The following HOXA3 variants were observed in gnomAD, a reference collection of about 807,000 sequenced individuals.
HOXA3 encodes the protein homeobox A3.
A neutral mutation model predicts 30.3 loss-of-function variants in HOXA3; 8 were observed. The observed-to-expected ratio is 0.26, with a 90% confidence interval of 0.15 to 0.48. The LOEUF is 0.48. Among genes scored for constraint, HOXA3 ranks in the 20% least tolerant of loss-of-function variants. HOXA3 has a pLI of 0.99. For synonymous variants in HOXA3, 323 were observed against 273.1 expected (o/e 1.18, Z -1.80); for missense variants, 653 against 614.4 (o/e 1.06, Z -0.66).
intron 2 of HOXA3, chr7:27,130,923 C>T (rs1459399279): frequency 1.6e-5 from 10 of 633,346 alleles, no homozygotes; most frequent in Non-Finnish European, 2.6e-5. Context: ...CGCTCCTCCC[C>T]AGCCCAGCGC....
intron 1 of HOXA3, among the ~76,000 whole-genome samples, chr7:27,144,081 G>A (rs2128061119): frequency 6.6e-6 from 1 of 152,380 alleles, no homozygotes; most frequent in African/African-American, 2.4e-5. Flanking sequence ...CGCGCGCCCG[G>A]CGAGGATGCA....
chr7:27,126,030 G>C (rs1297357279), intron 3 of HOXA3, among the ~76,000 whole-genome samples: 1 of 152,162 alleles, frequency 6.6e-6, no homozygotes, highest in East Asian at 1.9e-4. Context: ...ATCTATCTAG[G>C]TAATCTTCCC....
intron 3 of HOXA3, among the ~76,000 whole-genome samples, chr7:27,124,767 G>A (rs1785205513): frequency 6.6e-6 from 1 of 152,172 alleles, no homozygotes; most frequent in African/African-American, 2.4e-5. Flanking sequence ...ACCTTTATCA[G>A]CTGCAACCAG....
intron 2 of HOXA3, chr7:27,130,554 G>T (rs1190349383): frequency 1.4e-6 from 2 of 1,423,312 alleles, no homozygotes; most frequent in East Asian, 6.1e-5. Context: ...CCGCGTGAGG[G>T]AGCTGGGGCT....
At chr7:27,121,220 C>CGTGCGT (rs1554337534) in intron 4 of HOXA3, 3 of 137,846 alleles carry the variant, frequency 2.2e-5, no homozygotes, top group Non-Finnish European at 4.7e-5. Context: ...CCACTGTGTG[C>CGTGCGT]GTGTGTGTGT....
intron 1 of HOXA3, among the ~76,000 whole-genome samples, chr7:27,143,965 C>T (rs1782666622): frequency 6.6e-6 from 1 of 152,210 alleles, no homozygotes; most frequent in South Asian, 2.1e-4. Context: ...CCGGGGGCTG[C>T]AAGGGCCGGG....
intron 5 of HOXA3, among the ~76,000 whole-genome samples, chr7:27,109,640 A>G (rs546206494): frequency 4.6e-4 from 70 of 152,366 alleles, no homozygotes; most frequent in African/African-American, 1.7e-3. Flanking sequence ...GAGGTAAGGC[A>G]GCCACTCCAT....
At chr7:27,142,186 TCAA>T in intron 1 of HOXA3, 1 of 1,337,514 alleles carries the variant, frequency 7.5e-7, no homozygotes, top group Middle Eastern at 1.9e-4. Context: ...GGCGAAAAGC[TCAA>T]CAAGTTCTGC....
chr7:27,127,150 A>G (rs555327188), intron 2 of HOXA3, 80 bp from the exon 3 acceptor site: 7 of 152,138 alleles, frequency 4.6e-5, no homozygotes, highest in African/African-American at 1.7e-4. Flanking sequence ...GCGTGATTTA[A>G]TTTTGTTTTA....
Position 27,107,870 on chromosome 7 carries a change from G to T in HOXA3, c.*45C>A. 4.9e-6 allele frequency: 6 copies of T among 1,212,900 alleles called. No homozygotes were observed. The highest frequency in any genetic ancestry group is 5.5e-6 in the Non-Finnish European group (5 of 908,680). 75.1% of individuals were successfully genotyped at this position (1,212,900 alleles called of 1,614,324 possible). A position where few individuals can be genotyped will look rare whatever the true frequency, so the allele number is the denominator to read the frequency against. On this transcript the variant is annotated 3_prime_UTR_variant, in exon 6 of 6. Coordinates refer to ENST00000612286, the MANE Select transcript of HOXA3 (RefSeq NM_153631.3). ...AAAAAAAAGCAACCAAAGAAAAAAG[G>T]TGGGTGGGGGGAGACTCTCCTGGCG...
In HOXA3 at chr7:27,108,236, C is replaced by T. The variant is rs956468687; in HGVS notation, c.1011G>A (p.Gly337=). 11 of 1,519,434 alleles carry T rather than the reference C, an allele frequency of 7.2e-6. No homozygotes were observed. In the South Asian group the frequency reaches 7.8e-5, roughly 11 times the overall value. 94.1% of individuals were successfully genotyped at this position (1,519,434 alleles called of 1,614,324 possible). The change falls in exon 6 of 6, where the codon GGG becomes GGA. Residue 337 remains glycine, a synonymous_variant. Transcript: ENST00000612286. This position sits in a 1 kb window ranked among gnomAD's most constrained non-coding sequence, Gnocchi z 5.0. ...KRYTAAGAGA[G]GTPDYDPHAH... is the part of the protein sequence containing the mutation. ...CGTGCGGGTCATAGTCGGGGGTGCC[C>T]CCTGCGCCCGCCCCTGCCGCCGTGT...
chr7:27,145,826 G>A lies in HOXA3; in HGVS notation c.-493-5640C>T, dbSNP rs1333190786. ...CGATGCGGCGGCGCCGTGTCAGGTA[G>A]CGGTTGAAGTGGAACTCCTTCTCCA... On this transcript the variant is annotated intron_variant, in intron 1 of 5. Transcript: ENST00000612286. 2.5e-6 allele frequency: 4 copies of A among 1,614,136 alleles called. No homozygotes were observed. In the African/African-American group the frequency reaches 4.0e-5, roughly 16 times the overall value.
At chr7:27,112,602 A>G (rs182140442) in intron 4 of HOXA3, among the ~76,000 whole-genome samples, 1 of 152,330 alleles carries the variant, frequency 6.6e-6, no homozygotes, top group East Asian at 1.9e-4. Context: ...ATAAAGTAAA[A>G]CTTAAAACTG....
chr7:27,145,216 G>C (rs986513038), intron 1 of HOXA3, among the ~76,000 whole-genome samples: 2 of 152,186 alleles, frequency 1.3e-5, no homozygotes, highest in Non-Finnish European at 1.5e-5. Context: ...ACTTACTGGC[G>C]AGGGACTTAG....
chr7:27,128,171 G>A (rs1185782067), intron 2 of HOXA3: 1 of 152,188 alleles, frequency 6.6e-6, no homozygotes, highest in Non-Finnish European at 1.5e-5. Context: ...TGGGCCCACA[G>A]CACTGCATGG....
At chr7:27,134,445 G>A (rs954379461) in intron 2 of HOXA3, 3 of 152,196 alleles carry the variant, frequency 2.0e-5, no homozygotes, top group African/African-American at 7.2e-5. Flanking sequence ...TTACTTTGAA[G>A]ACTAGCTAAG....
At chr7:27,117,439 A>C (rs1373847297) in intron 4 of HOXA3, among the ~76,000 whole-genome samples, 1 of 151,830 alleles carries the variant, frequency 6.6e-6, no homozygotes, top group African/African-American at 2.4e-5. Flanking sequence ...TGCTCACCCC[A>C]CCCCAAGGCT....
chr7:27,142,987 G>A (rs1265739399), intron 1 of HOXA3: 2 of 1,421,202 alleles, frequency 1.4e-6, no homozygotes, highest in Non-Finnish European at 1.9e-6. Context: ...AGAGAAGAGA[G>A]GGGGGACCGA....
Position 27,120,464 on chromosome 7 carries a change from CCAGAAGG to C in HOXA3, c.-121+2088_-121+2094del, listed in dbSNP as rs769403817. 8.1e-5 allele frequency among the ~76,000 whole-genome samples: 12 copies of C among 148,454 alleles called. No individual in the cohort carries two copies. The East Asian group carries it at 1.8e-3, about 22-fold the overall frequency. On this transcript the variant is annotated intron_variant, in intron 4 of 5. Coordinates refer to ENST00000612286, the MANE Select transcript of HOXA3 (RefSeq NM_153631.3). Reference sequence around the variant, plus strand: ...GCTGAGGTGGGAAAATCACTTGAAACCAGAAGGCAGAGGTTGCAGTGAGCTGAGATCG... The same window carrying C: ...GCTGAGGTGGGAAAATCACTTGAAACCAGAGGTTGCAGTGAGCTGAGATCG...
Sources: gnomAD v4.1 joint callset for allele counts (sites outside exome capture counted in the v4.1 genomes callset) on GRCh38, gnomAD v4.1.1 for gene constraint, Gnocchi (gnomAD v3.1) non-coding constraint, MANE v1.5 for transcripts, NCBI Gene and HGNC (gene_info 2026-07-23, HGNC 2026-07-21) for gene names.